Variants in THRB observed in about 807,000 individuals in gnomAD.
THRB encodes nuclear receptor subfamily 1 group A member 2.
A neutral mutation model predicts 47.8 loss-of-function variants in THRB; 12 were observed. That is an observed-to-expected ratio of 0.25 (90% CI 0.16 to 0.41). The LOEUF is 0.41. Among genes scored for constraint, THRB ranks in the 10% least tolerant of loss-of-function variants. The probability of loss-of-function intolerance (pLI) is 1.00; values close to 1 mark genes in which losing one functional copy is unlikely to be tolerated. For missense variants in THRB, 348 were observed against 589.2 expected, an observed-to-expected ratio of 0.59 and a Z score of 4.24; for synonymous variants, 218 against 212.2, an observed-to-expected ratio of 1.03 and a Z score of -0.24.
intron 4 of THRB, among the ~76,000 whole-genome samples, chr3:24,195,488 A>G (rs979203700): frequency 3.3e-5 from 5 of 152,248 alleles, no homozygotes; most frequent in South Asian, 2.1e-4. Flanking sequence ...ATTTATATTC[A>G]TAACAAGTCT....
intron 3 of THRB, among the ~76,000 whole-genome samples, chr3:24,265,312 A>G (rs908242199): frequency 5.3e-5 from 8 of 152,196 alleles, no homozygotes; most frequent in Non-Finnish European, 1.0e-4. Flanking sequence ...AACTCTGAAG[A>G]AAAAGCCAAA....
intron 3 of THRB, among the ~76,000 whole-genome samples, chr3:24,262,595 T>C (rs1435137583): frequency 1.3e-5 from 2 of 152,222 alleles, no homozygotes; most frequent in Non-Finnish European, 2.9e-5. Context: ...GACTTTTGAA[T>C]GTGAGCTCTC....
chr3:24,254,560 G>A (rs1364474786), intron 3 of THRB, among the ~76,000 whole-genome samples: 1 of 152,184 alleles, frequency 6.6e-6, no homozygotes, highest in Admixed American at 6.5e-5. Flanking sequence ...AATCATTGAA[G>A]AAGATTGCAC....
chr3:24,336,925 T>A (rs1483468358), intron 2 of THRB, among the ~76,000 whole-genome samples: 2 of 152,044 alleles, frequency 1.3e-5, no homozygotes, highest in Non-Finnish European at 2.9e-5. Flanking sequence ...GGTTTCACCA[T>A]GTTAGCCAGG....
At chr3:24,241,930 TAGA>T (rs2049559710) in intron 3 of THRB, among the ~76,000 whole-genome samples, 1 of 152,044 alleles carries the variant, frequency 6.6e-6, no homozygotes, top group Non-Finnish European at 1.5e-5. Flanking sequence ...CGCCACAAAT[TAGA>T]AGGTCTTCAA....
At chr3:24,479,747 G>T (rs1696086521) in intron 1 of THRB, among the ~76,000 whole-genome samples, 1 of 152,146 alleles carries the variant, frequency 6.6e-6, no homozygotes, top group South Asian at 2.1e-4. Flanking sequence ...GGAAGTCGGG[G>T]TTACAGGCTG....
At chr3:24,417,123 CACACACACACACA>C (rs2068809386) in intron 1 of THRB, among the ~76,000 whole-genome samples, 5 of 151,332 alleles carry the variant, frequency 3.3e-5, no homozygotes, top group Admixed American at 6.6e-5. Context: ...CACACACACA[CACACACACACACA>C]CACGCGCAAC....
At chr3:24,193,927 T>G (rs563841342) in intron 4 of THRB, among the ~76,000 whole-genome samples, 3 of 152,238 alleles carry the variant, frequency 2.0e-5, no homozygotes, top group African/African-American at 7.2e-5. Context: ...GTATACACCA[T>G]GGAATACTAC....
intron 5 of THRB, among the ~76,000 whole-genome samples, chr3:24,152,972 AAGAAAGAAAG>A (rs1470481475): frequency 7.1e-4 from 4 of 5,632 alleles, no homozygotes; most frequent in South Asian, 0.013. Context: ...AAAAAAAAAA[AAGAAAGAAAG>A]AAAGAAAGAA....
intron 5 of THRB, among the ~76,000 whole-genome samples, chr3:24,176,751 T>C (rs1352178048): frequency 6.6e-6 from 1 of 152,106 alleles, no homozygotes; most frequent in Non-Finnish European, 1.5e-5. Context: ...AAGGCAAATC[T>C]ACAGGGACTG....
intron 1 of THRB, among the ~76,000 whole-genome samples, chr3:24,428,247 A>G (rs1223969724): frequency 1.3e-5 from 2 of 152,028 alleles, no homozygotes; most frequent in East Asian, 1.9e-4. Context: ...TTGAGTACCT[A>G]CTATGTGCCT....
chr3:24,126,118 C>T (rs780386788), intron 10 of THRB, among the ~76,000 whole-genome samples: 13 of 152,060 alleles, frequency 8.5e-5, no homozygotes, highest in Non-Finnish European at 1.2e-4. Context: ...CTAGGCCAGG[C>T]GTGGTGGCTC....
intron 5 of THRB, among the ~76,000 whole-genome samples, chr3:24,160,047 AG>A (rs1238519381): frequency 6.6e-6 from 1 of 152,168 alleles, no homozygotes; most frequent in Admixed American, 6.5e-5. Flanking sequence ...GCTGGGTAAT[AG>A]AAGAGGCTGG....
At chr3:24,306,831 T>C (rs1481092941) in intron 2 of THRB, among the ~76,000 whole-genome samples, 1 of 152,232 alleles carries the variant, frequency 6.6e-6, no homozygotes, top group East Asian at 1.9e-4. Context: ...TCTATCTGGA[T>C]GTAAACAGTT....
chr3:24,319,817 A>G (rs1270477796), intron 2 of THRB, among the ~76,000 whole-genome samples: 1 of 152,148 alleles, frequency 6.6e-6, no homozygotes, highest in Non-Finnish European at 1.5e-5. Context: ...GGTCATATAC[A>G]CCCTTGCTTG....
intron 2 of THRB, among the ~76,000 whole-genome samples, chr3:24,318,837 T>G (rs552556464): frequency 6.6e-6 from 1 of 152,320 alleles, no homozygotes; most frequent in Admixed American, 6.5e-5. Context: ...AATTTTCACA[T>G]CTGACTAGGC....
intron 1 of THRB, among the ~76,000 whole-genome samples, chr3:24,475,461 T>C (rs1268244603): frequency 1.3e-5 from 2 of 152,144 alleles, no homozygotes; most frequent in Non-Finnish European, 2.9e-5. Flanking sequence ...GAATTGTTTT[T>C]CTGTATATTT....
chr3:24,295,339 T>C (rs2056355281), intron 3 of THRB, among the ~76,000 whole-genome samples: 1 of 152,240 alleles, frequency 6.6e-6, no homozygotes, highest in Admixed American at 6.5e-5. Context: ...GGGACTATTT[T>C]ACTACACAAT....
intron 1 of THRB, among the ~76,000 whole-genome samples, chr3:24,428,302 C>T (rs4557108): frequency 0.69 from 104,583 of 151,866 alleles, 38,043 homozygotes; most frequent in East Asian, 0.88. Flanking sequence ...GACAGTGTTG[C>T]TATTCTCAGG....
Sources: gnomAD v4.1 joint callset for allele counts (sites outside exome capture counted in the v4.1 genomes callset) on GRCh38, gnomAD v4.1.1 for gene constraint, MANE v1.5 for transcripts, NCBI Gene and HGNC (gene_info 2026-07-23, HGNC 2026-07-21) for gene names.